The following IGF2BP1 variants were observed in gnomAD, a reference collection of about 807,000 sequenced individuals.
The protein encoded by IGF2BP1 is insulin like growth factor 2 mRNA binding protein 1, also known as insulin-like growth factor 2 mRNA-binding protein 1.
In IGF2BP1, 11 loss-of-function variants were observed where a neutral mutation model predicts 74.9. The ratio of observed to expected loss-of-function variants is 0.15; its 90% confidence interval spans 0.09 to 0.24. IGF2BP1 has a LOEUF of 0.24. IGF2BP1 is among the 10% of genes least tolerant of loss of function. IGF2BP1 has a pLI of 1.00. For synonymous variants in IGF2BP1, 287 were observed against 281.8 expected (o/e 1.02, Z -0.18); for missense variants, 440 against 757.4 (o/e 0.58, Z 4.92).
intron 7 of IGF2BP1, among the ~76,000 whole-genome samples, chr17:49,040,846 A>G (rs2042044625): frequency 6.6e-6 from 1 of 152,186 alleles, no homozygotes; most frequent in Admixed American, 6.5e-5. Context: ...ACTTTTCCTT[A>G]TCAGAAAACA....
At chr17:49,034,736 C>CAAAAAAAAAAAAAAAAAA (rs1254736118) in intron 5 of IGF2BP1, among the ~76,000 whole-genome samples, 1 of 108,748 alleles carries the variant, frequency 9.2e-6, no homozygotes, top group African/African-American at 4.2e-5. Context: ...GACCCTGTCT[C>CAAAAAAAAAAAAAAAAAA]AAAAAAAACA....
chr17:49,038,898 G>A (rs1449970211), intron 6 of IGF2BP1, among the ~76,000 whole-genome samples: 1 of 119,544 alleles, frequency 8.4e-6, no homozygotes, highest in Admixed American at 8.9e-5. Context: ...TTTTTTTTGA[G>A]ACAGAGTTTT....
chr17:49,045,840 T>A, intron 12 of IGF2BP1, 50 bp from the exon 13 acceptor site: 1 of 1,578,746 alleles, frequency 6.3e-7, no homozygotes, highest in Non-Finnish European at 8.6e-7. Context: ...ACTTTTCTCT[T>A]TTGTCACAGA....
intron 14 of IGF2BP1, among the ~76,000 whole-genome samples, chr17:49,046,854 C>G (rs1332796516): frequency 6.6e-6 from 1 of 152,030 alleles, no homozygotes; most frequent in East Asian, 1.9e-4. Context: ...GCTCTTCCAC[C>G]CTCCCATTCC....
intron 9 of IGF2BP1, 82 bp from the exon 10 acceptor site, chr17:49,043,346 T>C: frequency 2.6e-6 from 4 of 1,530,774 alleles, no homozygotes; most frequent in Non-Finnish European, 3.6e-6. Flanking sequence ...CCTCTGGGGC[T>C]ACTCGCCTTT....
rs767195656 is a variant in IGF2BP1, at chr17:49,026,521, A to G, written c.337+4A>G. On this transcript the variant is annotated splice_donor_region_variant and intron_variant, in intron 4 of 14. Coordinates refer to ENST00000290341, the MANE Select transcript of IGF2BP1 (RefSeq NM_006546.4). ...ACAGTAGAGAACTGTGAGCAAGGTA[A>G]GAGTGGGCCGGGTGTGGGGTGGCAC... The G allele has an allele frequency of 6.2e-7, 1 of 1,613,906 alleles. No homozygotes were observed. Among genetic ancestry groups the G allele is most frequent in the African/African-American group, 1.3e-5 (1 of 75,044 alleles).
chr17:49,021,617 G>T (rs1469877409), intron 2 of IGF2BP1, among the ~76,000 whole-genome samples: 1 of 152,212 alleles, frequency 6.6e-6, no homozygotes, highest in Non-Finnish European at 1.5e-5. Flanking sequence ...AGAAAAATAG[G>T]CTGGTGCAAC....
chr17:49,034,364 C>A (rs2041959919), intron 5 of IGF2BP1, among the ~76,000 whole-genome samples: 1 of 151,658 alleles, frequency 6.6e-6, no homozygotes, highest in Non-Finnish European at 1.5e-5. Flanking sequence ...GGCGATCCGC[C>A]CACCTTGGCC....
In IGF2BP1 at chr17:49,050,991, C is replaced by G. The variant is rs1164733113; in HGVS notation, c.*1547C>G. On this transcript the variant is annotated 3_prime_UTR_variant, in exon 15 of 15. Coordinates refer to ENST00000290341, the MANE Select transcript of IGF2BP1 (RefSeq NM_006546.4). ...ATGGAAAAGCCCATGCGTGGAGTTC[C>G]CCTCCTTTCAACATTGCAACAACAG... 1 of 152,534 alleles carries G rather than the reference C, an allele frequency of 6.6e-6. No individual in the cohort carries two copies. The highest frequency in any genetic ancestry group is 1.5e-5 in the Non-Finnish European group (1 of 68,038). 9.4% of individuals were successfully genotyped at this position (152,534 alleles called of 1,614,324 possible). A position where few individuals can be genotyped will look rare whatever the true frequency, so the allele number is the denominator to read the frequency against.
At chr17:49,043,585 GC>G in intron 10 of IGF2BP1, 35 bp downstream of exon 10, 1 of 1,609,514 alleles carries the variant, frequency 6.2e-7, no homozygotes, top group Non-Finnish European at 8.5e-7. Context: ...GGATCCCTGG[GC>G]CCATATGTGG....
At chr17:49,037,505 T>C (rs1425909914) in intron 5 of IGF2BP1, 1 of 210,232 alleles carries the variant, frequency 4.8e-6, no homozygotes, top group Non-Finnish European at 9.8e-6. Context: ...TTTCCTTAAA[T>C]AATGGACTCA....
At position 49,049,504 on chromosome 17, in the gene IGF2BP1, T is replaced by G; in HGVS notation, c.*60T>G. The G allele has an allele frequency of 6.9e-7, 1 of 1,448,590 alleles. No homozygotes were observed. Among genetic ancestry groups the G allele is most frequent in the Non-Finnish European group, 9.6e-7 (1 of 1,037,932 alleles). 89.7% of individuals were successfully genotyped at this position (1,448,590 alleles called of 1,614,324 possible). ...CAACGGGCAGAAATCGAGAGTGTGC[T>G]CTCCCCGGCAGGCCTGAGAATGAGT... On this transcript the variant is annotated 3_prime_UTR_variant, in exon 15 of 15. Transcript: ENST00000290341.
At chr17:49,000,068 C>G (rs2041468942) in intron 2 of IGF2BP1, among the ~76,000 whole-genome samples, 1 of 152,162 alleles carries the variant, frequency 6.6e-6, no homozygotes, top group East Asian at 1.9e-4. Context: ...GCATTGAACT[C>G]TGAAACCTTT....
At chr17:49,034,702 A>AT (rs2041963756) in intron 5 of IGF2BP1, among the ~76,000 whole-genome samples, 1 of 150,810 alleles carries the variant, frequency 6.6e-6, no homozygotes, top group Admixed American at 6.6e-5. Flanking sequence ...ATGCCCCTGA[A>AT]TTCTGGCCTG....
chr17:49,045,008 A>T lies in IGF2BP1; in HGVS notation c.1338A>T (p.Thr446=), dbSNP rs767657692. 6.2e-7 allele frequency: 1 copy of T among 1,614,140 alleles called. No individual in the cohort carries two copies. Among genetic ancestry groups the T allele is most frequent in the South Asian group, 1.1e-5 (1 of 91,076 alleles). The change falls in exon 12 of 15, where the codon ACA becomes ACT. Residue 446 remains threonine (T), a synonymous_variant. Transcript: ENST00000290341. ...CTTTTTAGATTGCACCACCCGAAACACCTGACTCCAAAGTTCGTATGGTTA... is the reference window on the plus strand; with the variant it reads ...CTTTTTAGATTGCACCACCCGAAACTCCTGACTCCAAAGTTCGTATGGTTA... ...SASIKIAPPE[T]PDSKVRMVII...
intron 2 of IGF2BP1, among the ~76,000 whole-genome samples, chr17:49,022,575 TTTC>T (rs1424800808): frequency 1.3e-5 from 2 of 152,086 alleles, no homozygotes; most frequent in East Asian, 3.9e-4. Flanking sequence ...CAGGATGTCT[TTTC>T]TTTCATTGGT....
At chr17:49,030,991 A>G (rs946776379) in intron 4 of IGF2BP1, among the ~76,000 whole-genome samples, 1 of 152,184 alleles carries the variant, frequency 6.6e-6, no homozygotes, top group Non-Finnish European at 1.5e-5. Context: ...GGAGGTGGGT[A>G]GTAGTGTTTG....
rs755620876 is a variant in IGF2BP1, at chr17:48,997,763, C to T, written c.18C>T (p.Ile6=). The part of the protein sequence containing the change: MNKLY[I]GNLNESVTPA... ...CCGCCACCATGAACAAGCTTTACAT[C>T]GGCAACCTCAACGAGAGCGTGACCC... Residue 6 remains isoleucine, a synonymous_variant, in exon 1 of 15, where the codon ATC becomes ATT. Transcript: ENST00000290341. This position sits in a 1 kb window ranked among gnomAD's most constrained non-coding sequence, Gnocchi z 4.8. 12 of 1,613,752 alleles carry T rather than the reference C, an allele frequency of 7.4e-6. No individual in the cohort carries two copies. The highest frequency in any genetic ancestry group is 3.3e-5 in the South Asian group (3 of 91,032).
At position 49,004,450 on chromosome 17, in the gene IGF2BP1, A is replaced by C. The variant is rs1396055926; in HGVS notation, c.236+5281A>C. ...GAGTAGGTAAAGGGAAAATAGGATG[A>C]GACAGTTGGAGAGAAAATGGAAGTG... On this transcript the variant is annotated intron_variant, in intron 2 of 14. Transcript: ENST00000290341. Among the ~76,000 whole-genome samples the C allele has an allele frequency of 2.6e-5, 4 of 152,334 alleles. No individual in the cohort carries two copies. The East Asian group carries it at 5.8e-4, about 22-fold the overall frequency.
Sources: gnomAD v4.1 joint callset for allele counts (sites outside exome capture counted in the v4.1 genomes callset) on GRCh38, gnomAD v4.1.1 for gene constraint, Gnocchi (gnomAD v3.1) non-coding constraint, MANE v1.5 for transcripts, NCBI Gene and HGNC (gene_info 2026-07-23, HGNC 2026-07-21) for gene names.